Variants in MICAL2 observed in about 807,000 individuals in gnomAD.
The protein encoded by MICAL2 is microtubule associated monooxygenase, calponin and LIM domain containing 2.
In MICAL2, 77 loss-of-function variants were observed where a neutral mutation model predicts 127.3. The ratio of observed to expected loss-of-function variants is 0.60; its 90% CI spans 0.50 to 0.73. MICAL2 has a LOEUF of 0.73. Ranked by LOEUF, MICAL2 falls within the 30% of genes least tolerant of loss-of-function variation. The pLI, the probability that MICAL2 is intolerant of heterozygous loss-of-function variation, is 0.00. For synonymous variants in MICAL2, 570 were observed against 551.1 expected (o/e 1.03, Z -0.48); for missense variants, 1,351 against 1,434.4 (o/e 0.94, Z 0.94).
intron 1 of MICAL2, among the ~76,000 whole-genome samples, chr11:12,136,647 G>A (rs1005741997): frequency 6.6e-6 from 1 of 152,166 alleles, no homozygotes; most frequent in Non-Finnish European, 1.5e-5. Context: ...AGGCCAGAAG[G>A]TATTGGGCTC....
At chr11:12,234,183 T>C (rs1270510182) in intron 15 of MICAL2, among the ~76,000 whole-genome samples, 2 of 152,154 alleles carry the variant, frequency 1.3e-5, no homozygotes, top group African/African-American at 4.8e-5. Context: ...CTAATATGGC[T>C]GTCTTCAATC....
intron 3 of MICAL2, among the ~76,000 whole-genome samples, chr11:12,198,140 T>G (rs2134076830): frequency 6.6e-6 from 1 of 152,246 alleles, no homozygotes; most frequent in Non-Finnish European, 1.5e-5. Context: ...CCTCAGGTGA[T>G]TTTGAGCATG....
intron 29 of MICAL2, among the ~76,000 whole-genome samples, chr11:12,312,884 C>T (rs1056144175): frequency 1.3e-5 from 2 of 151,990 alleles, no homozygotes; most frequent in Admixed American, 6.6e-5. Context: ...GATCTAGAGT[C>T]GGCCGGGCGC....
At chr11:12,289,459 C>T (rs1212744317), downstream of MICAL2, among the ~76,000 whole-genome samples, 3 of 152,036 alleles carry the variant, frequency 2.0e-5, no homozygotes, top group Admixed American at 1.3e-4. Flanking sequence ...CTTTACTGGA[C>T]GCGGCTTGAG....
chr11:12,174,363 A>T (rs1157681278), intron 3 of MICAL2, among the ~76,000 whole-genome samples: 3 of 58,708 alleles, frequency 5.1e-5, no homozygotes, highest in Admixed American at 1.6e-4. Flanking sequence ...CCCCACCCCC[A>T]CCCCCAGCCC....
intron 26 of MICAL2, chr11:12,262,123 G>T (rs1863197777): frequency 1.0e-5 from 12 of 1,154,468 alleles, no homozygotes; most frequent in South Asian, 2.1e-5. Flanking sequence ...GAACCTTTCT[G>T]GTGGGCAGCA....
intron 3 of MICAL2, among the ~76,000 whole-genome samples, chr11:12,200,394 C>T (rs1370236448): frequency 6.6e-6 from 1 of 152,230 alleles, no homozygotes; most frequent in Non-Finnish European, 1.5e-5. Context: ...GGACCACATC[C>T]AGCATCCAGA....
At chr11:12,301,062 A>T (rs185981415) in intron 29 of MICAL2, among the ~76,000 whole-genome samples, 15 of 152,326 alleles carry the variant, frequency 9.8e-5, no homozygotes, top group Middle Eastern at 3.4e-3. Flanking sequence ...GGCAAAAGGC[A>T]CTTCTTACAT....
chr11:12,147,881 T>C (rs1174389040), intron 2 of MICAL2, among the ~76,000 whole-genome samples: 5 of 152,226 alleles, frequency 3.3e-5, no homozygotes, highest in Admixed American at 6.5e-5. Context: ...GGGATTCTAT[T>C]CGGGAACAGG....
At chr11:12,334,857 G>A (rs1182342218) in intron 32 of MICAL2, among the ~76,000 whole-genome samples, 2 of 151,962 alleles carry the variant, frequency 1.3e-5, no homozygotes, top group Non-Finnish European at 2.9e-5. Context: ...TATCATTGAT[G>A]GACATTTGGG....
rs930628227 is a variant in MICAL2, at chr11:12,216,236, A to G, written c.865A>G (p.Ile289Val). The G allele has an allele frequency of 1.9e-5, 30 of 1,613,326 alleles. No individual in the cohort carries two copies. The highest frequency in any genetic ancestry group is 2.5e-5 in the Non-Finnish European group (29 of 1,179,244). ...KEETGIDLEN[I>V]VYYKDCTHYF... ...CTTTTCAGGCATAGATCTTGAGAAC[A>G]TTGTTTACTACAAGGACTGCACCCA... is the stretch of plus-strand genomic sequence containing the variant. The change falls in exon 8 of 28, where the codon ATT becomes GTT. Residue 289 changes from isoleucine (I) to valine (V), a missense_variant. This residue lies in a region of MICAL2 where 599 missense variants were observed against 714.9 expected (regional missense o/e 0.84). Transcript: ENST00000683283.
At chr11:12,321,590 C>G (rs1261468117) in intron 30 of MICAL2, among the ~76,000 whole-genome samples, 2 of 152,210 alleles carry the variant, frequency 1.3e-5, no homozygotes, top group Non-Finnish European at 2.9e-5. Context: ...TAGCGTCTTT[C>G]CCTCTCTGCA....
At chr11:12,324,061 T>C (rs779553242) in exon 31 of MICAL2, 33 of 1,612,564 alleles carry the variant, frequency 2.0e-5, no homozygotes, top group Non-Finnish European at 2.5e-5. Flanking sequence ...AAAGACTCTA[T>C]AAGGCTCAGG....
chr11:12,354,513 C>T (rs1939101615), intron 33 of MICAL2, among the ~76,000 whole-genome samples: 1 of 151,826 alleles, frequency 6.6e-6, no homozygotes, highest in African/African-American at 2.4e-5. Flanking sequence ...TGGTGCACGC[C>T]TGTAATCCCA....
At chr11:12,205,829 C>G (rs1387038373) in intron 4 of MICAL2, among the ~76,000 whole-genome samples, 1 of 152,220 alleles carries the variant, frequency 6.6e-6, no homozygotes, top group Non-Finnish European at 1.5e-5. Context: ...GAGCAAGAAG[C>G]AGCCATCGTC....
intron 15 of MICAL2, among the ~76,000 whole-genome samples, chr11:12,231,142 G>A (rs554793442): frequency 6.6e-6 from 1 of 152,196 alleles, no homozygotes; most frequent in Non-Finnish European, 1.5e-5. Context: ...ATACCTACCA[G>A]TACTCTCCTA....
chr11:12,343,600 G>A (rs2055102), intron 32 of MICAL2, among the ~76,000 whole-genome samples: 71,776 of 151,866 alleles, frequency 0.47, 18,884 homozygotes, highest in Non-Finnish European at 0.61. Flanking sequence ...ATGTAATCCC[G>A]GATAAAAGTC....
At chr11:12,237,673 G>A (rs972488294) in intron 16 of MICAL2, among the ~76,000 whole-genome samples, 12 of 152,098 alleles carry the variant, frequency 7.9e-5, no homozygotes, top group South Asian at 2.1e-4. Flanking sequence ...CTGGGGCAAC[G>A]GTTTTGCTTT....
intron 29 of MICAL2, among the ~76,000 whole-genome samples, chr11:12,305,284 G>A (rs554309533): frequency 2.6e-5 from 4 of 152,276 alleles, no homozygotes; most frequent in South Asian, 2.1e-4. Flanking sequence ...AAGCATGTGC[G>A]AGAAGCAAAG....
Sources: gnomAD v4.1 joint callset for allele counts (sites outside exome capture counted in the v4.1 genomes callset) on GRCh38, gnomAD v4.1.1 for gene constraint, gnomAD v4.1.1 regional missense constraint, MANE v1.5 for transcripts, NCBI Gene and HGNC (gene_info 2026-07-23, HGNC 2026-07-21) for gene names.